The following TMPRSS9 variants were observed in gnomAD, a reference collection of about 807,000 sequenced individuals.
TMPRSS9 encodes the protein transmembrane protease serine 9.
Under a neutral mutation model 111.4 loss-of-function variants are expected in TMPRSS9, and 113 were observed. The observed-to-expected ratio is 1.01, with a 90% confidence interval of 0.87 to 1.19. The LOEUF is 1.19. TMPRSS9 is among the 50% of genes most tolerant of loss of function. The pLI, the probability that TMPRSS9 is intolerant of heterozygous loss-of-function variation, is 0.00. For synonymous variants in TMPRSS9, 805 were observed against 659.1 expected, an observed-to-expected ratio of 1.22 and a Z score of -3.39; for missense variants, 1,803 against 1,513.1, an observed-to-expected ratio of 1.19 and a Z score of -3.18.
chr19:2,394,242 GAT>G (rs1970661653), intron 1 of TMPRSS9, among the ~76,000 whole-genome samples: 1 of 94,502 alleles, frequency 1.1e-5, no homozygotes, highest in Non-Finnish European at 2.3e-5. Flanking sequence ...AGCCAGGCGT[GAT>G]AGTGGGCGCC....
chr19:2,386,586 C>T (rs1005082922), upstream of TMPRSS9, among the ~76,000 whole-genome samples: 1 of 152,006 alleles, frequency 6.6e-6, no homozygotes, highest in Non-Finnish European at 1.5e-5. Context: ...TTTTAGTGTC[C>T]ATAAAGTGTG....
intron 1 of TMPRSS9, among the ~76,000 whole-genome samples, chr19:2,381,211 C>G (rs183524896): frequency 1.1e-3 from 163 of 152,104 alleles, no homozygotes; most frequent in Middle Eastern, 3.4e-3. Context: ...AATGGCGCTT[C>G]TATGTTTGAT....
At chr19:2,383,836 A>G (rs1970417882) in intron 1 of TMPRSS9, among the ~76,000 whole-genome samples, 1 of 151,592 alleles carries the variant, frequency 6.6e-6, no homozygotes. Flanking sequence ...AATAGATGTT[A>G]ATTGTATCTA....
intron 10 of TMPRSS9, among the ~76,000 whole-genome samples, chr19:2,414,821 G>GGTGACATGGTGCCACT (rs1971186457): frequency 6.6e-6 from 1 of 151,180 alleles, no homozygotes. Flanking sequence ...GAGCTGATAC[G>GGTGACATGGTGCCACT]GTGACATGGT....
intron 17 of TMPRSS9, 57 bp downstream of exon 18, chr19:2,425,550 G>A: frequency 6.8e-7 from 1 of 1,463,612 alleles, no homozygotes; most frequent in Admixed American, 2.5e-5. Context: ...GGGAGGGCGG[G>A]TTCCCGCTGC....
chr19:2,379,924 T>A (rs904976738), intron 1 of TMPRSS9, among the ~76,000 whole-genome samples: 2 of 151,884 alleles, frequency 1.3e-5, no homozygotes, highest in Non-Finnish European at 2.9e-5. Context: ...ACTTTTTCTA[T>A]TTTTTATAGA....
chr19:2,406,805 C>CTTT (rs112281224), intron 7 of TMPRSS9, among the ~76,000 whole-genome samples: 1 of 139,338 alleles, frequency 7.2e-6, no homozygotes, highest in Non-Finnish European at 1.6e-5. Context: ...TGATATTATC[C>CTTT]TTTTTTTTTT....
intron 7 of TMPRSS9, among the ~76,000 whole-genome samples, chr19:2,407,687 AG>A (rs1367254077): frequency 7.1e-6 from 1 of 140,460 alleles, no homozygotes; most frequent in Non-Finnish European, 1.5e-5. Flanking sequence ...AGCTCACTAT[AG>A]CTCATGACAG....
chr19:2,363,075 C>G (rs953377965), intron 1 of TMPRSS9, among the ~76,000 whole-genome samples: 1 of 152,192 alleles, frequency 6.6e-6, no homozygotes, highest in South Asian at 2.1e-4. Flanking sequence ...CAGAGCCTCA[C>G]GCCGCCTGCT....
rs1971606173 is a variant in TMPRSS9 at position 2,425,699 on chromosome 19, C to A, written c.3120+206C>A. ...CCCACCGCATCCCATCCCCGGGCCT[C>A]GGCGGCAGAGCAGGCAGAGGCTGCA... On this transcript the variant is annotated intron_variant, in intron 17 of 17. Transcript: ENST00000648592. 4 of 1,214,696 alleles carry A rather than the reference C, an allele frequency of 3.3e-6. No homozygotes were observed. The Admixed American group carries it at 1.3e-4, about 40-fold the overall frequency. 75.2% of individuals were successfully genotyped at this position (1,214,696 alleles called of 1,614,324 possible). A position where few individuals can be genotyped will look rare whatever the true frequency, so the allele number is the denominator to read the frequency against.
chr19:2,406,886 A>C (rs1599300785), intron 7 of TMPRSS9, among the ~76,000 whole-genome samples: 1 of 139,572 alleles, frequency 7.2e-6, no homozygotes, highest in Non-Finnish European at 1.5e-5. Flanking sequence ...TGTAAGCTCC[A>C]CCTCCCGGGA....
At chr19:2,368,509 T>G (rs1173185388) in intron 1 of TMPRSS9, among the ~76,000 whole-genome samples, 2 of 152,048 alleles carry the variant, frequency 1.3e-5, no homozygotes, top group African/African-American at 2.4e-5. Flanking sequence ...ATGAGGACAG[T>G]TAGACCCGGT....
chr19:2,395,467 T>G (rs1970686667), intron 1 of TMPRSS9, among the ~76,000 whole-genome samples: 1 of 151,682 alleles, frequency 6.6e-6, no homozygotes, highest in Non-Finnish European at 1.5e-5. Context: ...GGCTCATGCC[T>G]GTTAATCCCA....
At chr19:2,421,747 C>A in intron 13 of TMPRSS9, 107 bp from the exon 15 acceptor site, 1 of 1,306,560 alleles carries the variant, frequency 7.7e-7, no homozygotes, top group South Asian at 1.5e-5. Flanking sequence ...CCCTCTGCCC[C>A]CCGCCCTCGA....
intron 6 of TMPRSS9, among the ~76,000 whole-genome samples, chr19:2,404,125 A>G (rs77246366): frequency 0.059 from 8,981 of 152,164 alleles, 277 homozygotes; most frequent in East Asian, 0.09. Flanking sequence ...CTATGATTGC[A>G]CTACTGCACT....
upstream of TMPRSS9, among the ~76,000 whole-genome samples, chr19:2,389,126 T>A (rs1175654993): frequency 1.4e-5 from 2 of 147,760 alleles, no homozygotes; most frequent in Admixed American, 6.9e-5. Flanking sequence ...CAGGCTGGAG[T>A]GCAGTGGCGT....
At chr19:2,389,152 C>T (rs1305274055), upstream of TMPRSS9, among the ~76,000 whole-genome samples, 2 of 150,990 alleles carry the variant, frequency 1.3e-5, no homozygotes, top group South Asian at 4.2e-4. Context: ...CAGCTCCCTG[C>T]AACCTCCGCC....
At chr19:2,390,635 C>T (rs112939807) in intron 1 of TMPRSS9, among the ~76,000 whole-genome samples, 3 of 150,918 alleles carry the variant, frequency 2.0e-5, no homozygotes, top group Non-Finnish European at 4.4e-5. Context: ...GCGGGAGGAC[C>T]ATCGGAGCCC....
At chr19:2,424,513 C>A (rs1002799164) in intron 15 of TMPRSS9, among the ~76,000 whole-genome samples, 1 of 149,626 alleles carries the variant, frequency 6.7e-6, no homozygotes, top group Non-Finnish European at 1.5e-5. Flanking sequence ...CCCGCGGTCC[C>A]CACCTAACCC....
Sources: allele counts gnomAD v4.1 joint callset (sites outside exome capture counted in the v4.1 genomes callset), GRCh38; gene constraint gnomAD v4.1.1; transcripts MANE v1.5; gene names NCBI Gene and HGNC (gene_info 2026-07-23, HGNC 2026-07-21).